Variants in ZMAT1 observed in about 807,000 individuals in gnomAD.
ZMAT1 encodes zinc finger matrin-type 1, also known as zinc finger matrin-type protein 1.
Under a neutral mutation model 18.5 loss-of-function variants are expected in ZMAT1, and 11 were observed. The observed-to-expected ratio is 0.59, with a 90% CI of 0.37 to 0.98. The LOEUF (loss-of-function observed/expected upper bound fraction) is 0.98. Ranked by LOEUF, ZMAT1 falls within the 50% of genes least tolerant of loss-of-function variation. The probability of loss-of-function intolerance (pLI) is 0.01; values close to 1 mark genes in which losing one functional copy is unlikely to be tolerated. For synonymous variants in ZMAT1, 211 were observed against 176.4 expected (o/e 1.20, Z -1.55); for missense variants, 525 against 496.2 (o/e 1.06, Z -0.55).
chrX:101,901,515 T>C (rs916298811), intron 2 of ZMAT1, among the ~76,000 whole-genome samples: 4 of 111,459 alleles, frequency 3.6e-5, no homozygotes, highest in African/African-American at 9.8e-5. Flanking sequence ...CAGGAAACAA[T>C]ATAATCGAAA....
intron 1 of ZMAT1, among the ~76,000 whole-genome samples, chrX:101,924,014 T>C (rs1167425834): frequency 8.9e-6 from 1 of 112,444 alleles, no homozygotes; most frequent in Admixed American, 9.4e-5. Flanking sequence ...TTTTCAATAT[T>C]TCTAGCCTAG....
Position 101,886,741 on chromosome X carries a change from C to CA in ZMAT1, c.677-11dup. On this transcript the variant is annotated splice_polypyrimidine_tract_variant and intron_variant, in intron 4 of 5. Transcript: ENST00000651725. Reference sequence around the variant, plus strand: ...GTTCTCATACTAAATGCTGAAAAAACAAAGAGTTCAAGTTAAGAAGGTCAG... The same window carrying CA: ...GTTCTCATACTAAATGCTGAAAAAACAAAAGAGTTCAAGTTAAGAAGGTCAG... 8.8e-7 allele frequency: 1 copy of CA among 1,131,199 alleles called. No homozygotes were observed. The highest frequency in any genetic ancestry group is 1.2e-6 in the Non-Finnish European group (1 of 830,266). The allele number at this position is 1,131,199 out of a possible 1,213,427, so 93.2% of individuals were successfully genotyped here. A position where few individuals can be genotyped will look rare whatever the true frequency, so the allele number is the denominator to read the frequency against.
intron 2 of ZMAT1, among the ~76,000 whole-genome samples, chrX:101,900,711 A>G (rs1333458382): frequency 1.8e-5 from 2 of 111,987 alleles, no homozygotes; most frequent in Non-Finnish European, 3.8e-5. Context: ...ATGGCCTTAT[A>G]GTATAGTTTG....
chrX:101,909,062 A>T (rs924275570), intron 1 of ZMAT1, among the ~76,000 whole-genome samples: 3 of 109,111 alleles, frequency 2.7e-5, no homozygotes, highest in African/African-American at 1.0e-4. Flanking sequence ...TTTGCCTTGC[A>T]TCTTGGTTAC....
intron 1 of ZMAT1, among the ~76,000 whole-genome samples, chrX:101,930,012 G>A (rs1930380803): frequency 9.0e-6 from 1 of 111,713 alleles, no homozygotes. Context: ...CCTATGCCAG[G>A]GTGCTCCTCA....
intron 1 of ZMAT1, among the ~76,000 whole-genome samples, chrX:101,905,516 G>A (rs1422471098): frequency 8.9e-6 from 1 of 112,058 alleles, no homozygotes; most frequent in Non-Finnish European, 1.9e-5. Flanking sequence ...ACAGAGAGAT[G>A]CCAATTGCTT....
chrX:101,930,313 A>G (rs929444862), intron 1 of ZMAT1, among the ~76,000 whole-genome samples: 1 of 112,411 alleles, frequency 8.9e-6, no homozygotes, highest in African/African-American at 3.2e-5. Flanking sequence ...TCCAGATTTC[A>G]TGTTTCCATC....
At chrX:101,928,073 T>C (rs768228971) in intron 1 of ZMAT1, among the ~76,000 whole-genome samples, 1 of 112,414 alleles carries the variant, frequency 8.9e-6, no homozygotes, top group Non-Finnish European at 1.9e-5. Flanking sequence ...TCACTGTGCC[T>C]GTAGTATATA....
chrX:101,904,155 C>A, intron 2 of ZMAT1, 69 bp downstream of exon 2: 2 of 750,400 alleles, frequency 2.7e-6, no homozygotes. Flanking sequence ...AGTAAGATGA[C>A]TTACAGGAAG....
intron 1 of ZMAT1, among the ~76,000 whole-genome samples, chrX:101,918,207 T>G (rs893046268): frequency 2.7e-5 from 3 of 111,344 alleles, no homozygotes; most frequent in Non-Finnish European, 5.7e-5. Context: ...AATGGATAAA[T>G]TAGGGGATGG....
intron 1 of ZMAT1, among the ~76,000 whole-genome samples, chrX:101,910,186 CTA>C (rs1346997385): frequency 8.9e-6 from 1 of 112,674 alleles, no homozygotes; most frequent in Non-Finnish European, 1.9e-5. Flanking sequence ...GGCAGCACCT[CTA>C]TGAGTCTGCG....
chrX:101,926,902 C>T (rs1930090939), intron 1 of ZMAT1, among the ~76,000 whole-genome samples: 1 of 112,028 alleles, frequency 8.9e-6, no homozygotes, highest in Non-Finnish European at 1.9e-5. Flanking sequence ...GCCAACTGAT[C>T]TTGATGCAAA....
chrX:101,905,515 T>C (rs1160535380), intron 1 of ZMAT1, among the ~76,000 whole-genome samples: 2 of 112,248 alleles, frequency 1.8e-5, no homozygotes, highest in Non-Finnish European at 3.8e-5. Flanking sequence ...CACAGAGAGA[T>C]GCCAATTGCT....
intron 1 of ZMAT1, among the ~76,000 whole-genome samples, chrX:101,922,987 G>A (rs773090295): frequency 9.0e-6 from 1 of 111,395 alleles, no homozygotes; most frequent in South Asian, 3.8e-4. Flanking sequence ...GAAGATGACT[G>A]GGACAGGAAC....
chrX:101,892,389 T>C (rs1569430395), intron 4 of ZMAT1, among the ~76,000 whole-genome samples: 1 of 111,227 alleles, frequency 9.0e-6, no homozygotes, highest in Non-Finnish European at 1.9e-5. Flanking sequence ...TGTGAGGTGA[T>C]GGTAGTAGAA....
Position 101,905,777 on chromosome X carries a change from C to T in ZMAT1, c.293-1447G>A, listed in dbSNP as rs532001531. Among the ~76,000 whole-genome samples the T allele has an allele frequency of 3.6e-4, 39 of 109,738 alleles. No individual in the cohort carries two copies. In the South Asian group the frequency reaches 0.014, roughly 39 times the overall value. On this transcript the variant is annotated intron_variant, in intron 1 of 5. Coordinates refer to ENST00000651725, the MANE Select transcript of ZMAT1 (RefSeq NM_001394560.1). The stretch of plus-strand genomic sequence containing the variant: ...CTTTCTAATTAAAAAACTATTAGGA[C>T]GGACATCATCAAGATGGTAGAATAG...
rs371120505 is a variant in ZMAT1, at chrX:101,884,491, G to A, written c.1107C>T (p.Ile369=). Residue 369 remains isoleucine, a synonymous_variant, in exon 6 of 6, where the codon ATC becomes ATT. Coordinates refer to ENST00000651725, the MANE Select transcript of ZMAT1 (RefSeq NM_001394560.1). ...DSFQDELEDY[I]KVQKARGLDP... ...CTAGTCCTCTGGCTTTCTGTACTTT[G>A]ATGTAATCTTCAAGTTCATCTTGGA... The A allele has an allele frequency of 7.9e-5, 95 of 1,209,066 alleles. No homozygotes were observed. Among genetic ancestry groups the A allele is most frequent in the Non-Finnish European group, 1.0e-4 (91 of 894,687 alleles).
At chrX:101,917,279 A>G (rs890925450) in intron 1 of ZMAT1, among the ~76,000 whole-genome samples, 9 of 112,071 alleles carry the variant, frequency 8.0e-5, no homozygotes, top group African/African-American at 2.6e-4. Context: ...ATATTTTCAA[A>G]CCACCCATCT....
chrX:101,897,863 CTT>C lies in ZMAT1; in HGVS notation c.676+3_676+4del. 1 of 1,207,749 alleles carries C rather than the reference CTT, an allele frequency of 8.3e-7. No individual in the cohort carries two copies. Among genetic ancestry groups the C allele is most frequent in the African/African-American group, 1.7e-5 (1 of 57,723 alleles). On this transcript the variant is annotated splice_donor_region_variant and intron_variant, in intron 4 of 5. Transcript: ENST00000651725. ...TTGAAGATCAAGAGGTGAATGGAACCTTACCCATCTCTGGTTGAAATCCTGAT... is the reference window on the plus strand; with the variant it reads ...TTGAAGATCAAGAGGTGAATGGAACCACCCATCTCTGGTTGAAATCCTGAT...
Sources: allele counts gnomAD v4.1 joint callset (sites outside exome capture counted in the v4.1 genomes callset), GRCh38; gene constraint gnomAD v4.1.1; transcripts MANE v1.5; gene names NCBI Gene and HGNC (gene_info 2026-07-23, HGNC 2026-07-21).